Variants in ANKDD1B observed in about 807,000 individuals in gnomAD.
ANKDD1B encodes ankyrin repeat and death domain-containing protein 1B.
Under a neutral mutation model 59.7 loss-of-function variants are expected in ANKDD1B, and 57 were observed. The ratio of observed to expected loss-of-function variants is 0.95; its 90% CI spans 0.77 to 1.19. The LOEUF (loss-of-function observed/expected upper bound fraction) is 1.19, where lower values mean the gene tolerates loss of function less well. Among genes scored for constraint, ANKDD1B ranks in the 50% most tolerant of loss-of-function variants. ANKDD1B has a pLI of 0.00. For synonymous variants in ANKDD1B, 216 were observed against 239.5 expected, an observed-to-expected ratio of 0.90 and a Z score of 0.91; for missense variants, 602 against 641.9, an observed-to-expected ratio of 0.94 and a Z score of 0.67.
intron 7 of ANKDD1B, among the ~76,000 whole-genome samples, chr5:75,648,267 TAA>T (rs57389631): frequency 0.14 from 12,559 of 87,298 alleles, 1,483 homozygotes; most frequent in African/African-American, 0.32. Flanking sequence ...AAAAAAAAAT[TAA>T]AAAAAAAAAA....
intron 10 of ANKDD1B, among the ~76,000 whole-genome samples, chr5:75,661,053 T>C (rs1561450004): frequency 6.6e-6 from 1 of 151,744 alleles, no homozygotes; most frequent in East Asian, 1.9e-4. Context: ...TCTCTGTGTG[T>C]CAGTTTCTAA....
intron 3 of ANKDD1B, among the ~76,000 whole-genome samples, chr5:75,620,651 T>C (rs1256346920): frequency 6.6e-6 from 1 of 152,210 alleles, no homozygotes; most frequent in East Asian, 1.9e-4. Flanking sequence ...ATATTGACTT[T>C]ATGGCCAATA....
intron 9 of ANKDD1B, among the ~76,000 whole-genome samples, chr5:75,657,849 T>C (rs1775015130): frequency 6.7e-6 from 1 of 148,498 alleles, no homozygotes; most frequent in Non-Finnish European, 1.5e-5. Flanking sequence ...TGAGCTGAGA[T>C]CGCCACCACT....
At chr5:75,656,005 T>A (rs1322908143) in intron 8 of ANKDD1B, 24 bp from the exon 9 acceptor site, 1 of 1,160,506 alleles carries the variant, frequency 8.6e-7, no homozygotes, top group East Asian at 2.6e-5. Flanking sequence ...CTTCTGGATT[T>A]GAAATTTTTA....
At chr5:75,627,793 C>T (rs149315878) in intron 5 of ANKDD1B, among the ~76,000 whole-genome samples, 2 of 152,308 alleles carry the variant, frequency 1.3e-5, no homozygotes, top group East Asian at 1.9e-4. Flanking sequence ...AAGGATCAGG[C>T]AGGCTGATGG....
chr5:75,630,190 T>C (rs528226644), intron 5 of ANKDD1B, among the ~76,000 whole-genome samples: 26 of 152,114 alleles, frequency 1.7e-4, no homozygotes, highest in African/African-American at 6.3e-4. Context: ...TGAAAAAGGA[T>C]TGGGTAGTTA....
chr5:75,639,353 C>T (rs1445989596), intron 7 of ANKDD1B, among the ~76,000 whole-genome samples: 3 of 152,206 alleles, frequency 2.0e-5, no homozygotes, highest in East Asian at 1.9e-4. Context: ...CATGCCACCA[C>T]GCCAGGCTAA....
intron 1 of ANKDD1B, among the ~76,000 whole-genome samples, chr5:75,614,178 T>C (rs1407725495): frequency 6.6e-6 from 1 of 152,170 alleles, no homozygotes; most frequent in Non-Finnish European, 1.5e-5. Flanking sequence ...TCATTACTCA[T>C]AGCAGTAGCA....
chr5:75,657,631 G>A (rs980004502), intron 9 of ANKDD1B, among the ~76,000 whole-genome samples: 5 of 152,044 alleles, frequency 3.3e-5, no homozygotes, highest in East Asian at 1.9e-4. Flanking sequence ...TTTTGGGGCC[G>A]GGCGTGGTGG....
intron 7 of ANKDD1B, among the ~76,000 whole-genome samples, chr5:75,642,213 A>C (rs995677400): frequency 6.6e-6 from 1 of 152,202 alleles, no homozygotes; most frequent in Non-Finnish European, 1.5e-5. Flanking sequence ...AAATAAACAC[A>C]AAGTTAAGAA....
At chr5:75,619,736 T>C (rs1773798396) in intron 2 of ANKDD1B, among the ~76,000 whole-genome samples, 1 of 152,184 alleles carries the variant, frequency 6.6e-6, no homozygotes, top group East Asian at 1.9e-4. Flanking sequence ...TGACTTTCCT[T>C]TGGAGCAAGA....
chr5:75,648,267 T>TAAA, intron 7 of ANKDD1B, among the ~76,000 whole-genome samples: 1 of 87,400 alleles, frequency 1.1e-5, no homozygotes, highest in African/African-American at 3.4e-5. Flanking sequence ...AAAAAAAAAT[T>TAAA]AAAAAAAAAA....
At chr5:75,667,078 T>A in intron 12 of ANKDD1B, 85 bp downstream of exon 12, 1 of 880,732 alleles carries the variant, frequency 1.1e-6, no homozygotes, top group South Asian at 2.8e-5. Context: ...TCCAAGGAAG[T>A]GTGTGGCACT....
At chr5:75,632,564 A>G (rs1428540872) in intron 5 of ANKDD1B, among the ~76,000 whole-genome samples, 2 of 152,240 alleles carry the variant, frequency 1.3e-5, no homozygotes, top group Non-Finnish European at 2.9e-5. Context: ...TAGAAGAGGC[A>G]GGAGCCTATA....
Position 75,611,467 on chromosome 5 carries a change from C to A in ANKDD1B, c.-168C>A, listed in dbSNP as rs975275758. The A allele has an allele frequency of 4.3e-6, 2 of 462,110 alleles. No individual in the cohort carries two copies. The highest frequency in any genetic ancestry group is 4.0e-5 in the African/African-American group (2 of 49,680). The allele number at this position is 462,110 out of a possible 1,614,324, so 28.6% of individuals were successfully genotyped here. A position where few individuals can be genotyped will look rare whatever the true frequency, so the allele number is the denominator to read the frequency against. The stretch of plus-strand genomic sequence containing the variant: ...ACTAGGGGCTTGTTGCCCAGCGAAC[C>A]GCCACAACAGAGAGCGGACTCGATC... On this transcript the variant is annotated 5_prime_UTR_variant, in exon 1 of 14. Transcript: ENST00000601380.
intron 6 of ANKDD1B, chr5:75,635,531 T>C (rs1232961208): frequency 6.1e-6 from 2 of 325,770 alleles, no homozygotes; most frequent in African/African-American, 4.3e-5. Flanking sequence ...CATGTTTTGC[T>C]AGCAATTGGT....
chr5:75,652,148 T>C lies in ANKDD1B; in HGVS notation c.799-994T>C, dbSNP rs1344586762. Reference sequence around the variant, plus strand: ...AAGCAATTTCCAGCAGCATCCTTAATTGAAAGACCTGCAAATACTTTGTAG... The same window carrying C: ...AAGCAATTTCCAGCAGCATCCTTAACTGAAAGACCTGCAAATACTTTGTAG... On this transcript the variant is annotated intron_variant, in intron 7 of 13. Transcript: ENST00000601380. 4.6e-5 allele frequency among the ~76,000 whole-genome samples: 7 copies of C among 152,236 alleles called. 1 individual carries two copies. The highest frequency in any genetic ancestry group is 4.6e-4 in the Admixed American group (7 of 15,284).
In ANKDD1B at chr5:75,611,522, G is replaced by T. The variant is rs1393062253; in HGVS notation, c.-113G>T. ...GCTCCGGCCGGGCTGACCTGCCTGC[G>T]TCCAGCCCCCGCGCCCTGGGCCTGC... On this transcript the variant is annotated 5_prime_UTR_variant, in exon 1 of 14. Transcript: ENST00000601380. 1.6e-5 allele frequency: 14 copies of T among 878,238 alleles called. No individual in the cohort carries two copies. In the South Asian group the frequency reaches 7.3e-4, roughly 46 times the overall value. 54.4% of individuals were successfully genotyped at this position (878,238 alleles called of 1,614,324 possible). A position where few individuals can be genotyped will look rare whatever the true frequency, so the allele number is the denominator to read the frequency against.
intron 7 of ANKDD1B, among the ~76,000 whole-genome samples, chr5:75,648,203 G>T (rs1324181612): frequency 8.0e-5 from 9 of 113,020 alleles, no homozygotes; most frequent in Non-Finnish European, 1.4e-4. Context: ...GTATACATAT[G>T]TAACTAACCT....
Sources: allele counts gnomAD v4.1 joint callset (sites outside exome capture counted in the v4.1 genomes callset), GRCh38; gene constraint gnomAD v4.1.1; transcripts MANE v1.5; gene names NCBI Gene and HGNC (gene_info 2026-07-23, HGNC 2026-07-21).